ADGRE3: variants seen among roughly 807,000 people sequenced by gnomAD.
ADGRE3 encodes the protein adhesion G protein-coupled receptor E3.
Under a neutral mutation model 80.1 loss-of-function variants are expected in ADGRE3, and 88 were observed. The observed-to-expected ratio is 1.10, with a 90% CI of 0.93 to 1.31. The LOEUF is 1.31. Ranked by LOEUF, ADGRE3 falls within the 40% of genes most tolerant of loss-of-function variation. ADGRE3 has a pLI of 0.00. For synonymous variants in ADGRE3, 281 were observed against 294.8 expected (o/e 0.95, Z 0.48); for missense variants, 715 against 776.5 (o/e 0.92, Z 0.94).
At chr19:14,613,133 C>T in the ADGRE3 span, among the ~76,000 whole-genome samples, 3 of 152,088 alleles carry the variant, frequency 2.0e-5, no homozygotes, top group African/African-American at 7.2e-5. Flanking sequence ...GCCATGTTGG[C>T]CAGGCTGGTC....
the ADGRE3 span, among the ~76,000 whole-genome samples, chr19:14,606,374 C>CAAA: frequency 5.0e-4 from 47 of 94,710 alleles, 1 homozygote; most frequent in East Asian, 2.5e-3. Context: ...GACCCTGTCT[C>CAAA]AAAAAAAAAA....
the ADGRE3 span, among the ~76,000 whole-genome samples, chr19:14,607,952 C>T: frequency 6.6e-6 from 1 of 152,096 alleles, no homozygotes. Flanking sequence ...CTCACTGCAG[C>T]CTCAACCTCC....
At position 14,641,428 on chromosome 19, in the gene ADGRE3, A is replaced by G. The variant is rs749308035; in HGVS notation, c.1239T>C (p.Thr413=). 6.2e-6 allele frequency: 10 copies of G among 1,614,024 alleles called. No individual in the cohort carries two copies. The highest frequency in any genetic ancestry group is 1.3e-5 in the African/African-American group (1 of 74,908). Residue 413 remains threonine, a synonymous_variant, in exon 10 of 16, where the codon ACT becomes ACC. Transcript: ENST00000253673. ...HLLFLVGIDR[T]EPKVLCSIIA... ...GAGACACTGTCAGTACCTTGGGTTC[A>G]GTTCGATCAATCCCCACGAGGAAGA... is the stretch of plus-strand genomic sequence containing the variant.
At chr19:14,654,685 C>A (rs373029924) in intron 6 of ADGRE3, among the ~76,000 whole-genome samples, 1 of 152,056 alleles carries the variant, frequency 6.6e-6, no homozygotes, top group South Asian at 2.1e-4. Context: ...TTAAAGTGTA[C>A]AATCTGGTGA....
In ADGRE3 at chr19:14,620,844, C is replaced by G. The variant is rs140699472; in HGVS notation, c.1921-1373G>C. Among the ~76,000 whole-genome samples, 1,173 of 151,510 alleles carry G rather than the reference C, an allele frequency of 7.7e-3. 14 individuals are homozygous for G. The highest frequency in any genetic ancestry group is 0.028 in the African/African-American group (1,139 of 41,294). ...GATATTTTCCCCTTCCAAAGATACA[C>G]TCATATTATTCAATTTCCACAATGT... On this transcript the variant is annotated intron_variant, in intron 15 of 15. Transcript: ENST00000253673.
intron 6 of ADGRE3, 41 bp from the exon 7 acceptor site, chr19:14,651,245 G>C: frequency 6.2e-7 from 1 of 1,612,058 alleles, no homozygotes; most frequent in African/African-American, 1.3e-5. Flanking sequence ...GATATTGTAA[G>C]AAACTTTAAA....
At chr19:14,627,722 G>A (rs2146806966) in intron 14 of ADGRE3, among the ~76,000 whole-genome samples, 1 of 152,256 alleles carries the variant, frequency 6.6e-6, no homozygotes, top group Non-Finnish European at 1.5e-5. Flanking sequence ...TTATCCCTGA[G>A]CACCCCTTAG....
the ADGRE3 span, among the ~76,000 whole-genome samples, chr19:14,607,550 ATTATTTATTTATTTATTTAT>A: frequency 9.5e-4 from 135 of 141,484 alleles, no homozygotes; most frequent in South Asian, 0.027. Context: ...ATTTTATTTT[ATTATTTATTTATTTATTTAT>A]TTATTTATTT....
At chr19:14,662,716 A>T (rs1971982735) in intron 3 of ADGRE3, among the ~76,000 whole-genome samples, 1 of 151,906 alleles carries the variant, frequency 6.6e-6, no homozygotes, top group Non-Finnish European at 1.5e-5. Flanking sequence ...ATGAACGGCC[A>T]AGTTTCCAAA....
At chr19:14,669,490 A>T (rs892784572) in intron 1 of ADGRE3, among the ~76,000 whole-genome samples, 3 of 151,446 alleles carry the variant, frequency 2.0e-5, no homozygotes, top group African/African-American at 4.8e-5. Context: ...AATGATTATT[A>T]TTTTTTTTCT....
At chr19:14,640,262 G>A (rs1308302526) in intron 10 of ADGRE3, among the ~76,000 whole-genome samples, 1 of 151,886 alleles carries the variant, frequency 6.6e-6, no homozygotes, top group Non-Finnish European at 1.5e-5. Context: ...CCCTTGCTAT[G>A]GGGGGGACAA....
the ADGRE3 span, among the ~76,000 whole-genome samples, chr19:14,608,457 C>T: frequency 6.6e-6 from 1 of 152,166 alleles, no homozygotes; most frequent in East Asian, 1.9e-4. Context: ...CAGGCTTGGC[C>T]AGACAGGGAC....
intron 1 of ADGRE3, among the ~76,000 whole-genome samples, chr19:14,670,662 A>G (rs761704675): frequency 2.6e-5 from 4 of 152,200 alleles, no homozygotes; most frequent in Non-Finnish European, 5.9e-5. Flanking sequence ...TGCTGGACAG[A>G]TGGACTGCTT....
chr19:14,652,914 C>CT (rs1971647315), intron 6 of ADGRE3, among the ~76,000 whole-genome samples: 1 of 151,620 alleles, frequency 6.6e-6, no homozygotes, highest in Non-Finnish European at 1.5e-5. Context: ...TGTTTTTGGC[C>CT]TACTGTTTCA....
At chr19:14,609,875 C>T in the ADGRE3 span, among the ~76,000 whole-genome samples, 7 of 143,152 alleles carry the variant, frequency 4.9e-5, no homozygotes, top group African/African-American at 1.8e-4. Flanking sequence ...CCCCCCAAAA[C>T]CAGAAATTGA....
intron 3 of ADGRE3, among the ~76,000 whole-genome samples, chr19:14,662,837 C>T (rs1258068215): frequency 2.3e-5 from 3 of 130,264 alleles, no homozygotes; most frequent in South Asian, 2.7e-4. Flanking sequence ...GAGGCCGAGG[C>T]GGGAGGATTG....
chr19:14,672,912 C>A (rs1184215815), intron 1 of ADGRE3, among the ~76,000 whole-genome samples: 1 of 152,086 alleles, frequency 6.6e-6, no homozygotes, highest in Non-Finnish European at 1.5e-5. Flanking sequence ...CATGCCCAAC[C>A]CTGGAATCCT....
chr19:14,657,566 A>ATATAAG, intron 5 of ADGRE3, among the ~76,000 whole-genome samples: 1 of 151,624 alleles, frequency 6.6e-6, no homozygotes, highest in African/African-American at 2.4e-5. Flanking sequence ...ATATATATAT[A>ATATAAG]TAAGTAGATA....
At chr19:14,613,717 A>C in the ADGRE3 span, among the ~76,000 whole-genome samples, 1,184 of 151,640 alleles carry the variant, frequency 7.8e-3, 16 homozygotes, top group African/African-American at 0.028. Context: ...ATGGAGTGTC[A>C]CTCTGTCACC....
Sources: gnomAD v4.1 joint callset for allele counts (sites outside exome capture counted in the v4.1 genomes callset) on GRCh38, gnomAD v4.1.1 for gene constraint, MANE v1.5 for transcripts, NCBI Gene and HGNC (gene_info 2026-07-23, HGNC 2026-07-21) for gene names.